CEP112: variants seen among roughly 807,000 people sequenced by gnomAD.
CEP112 encodes centrosomal protein 112, also known as centrosomal protein of 112 kDa.
A neutral mutation model predicts 153.0 loss-of-function variants in CEP112; 127 were observed. That is an observed-to-expected ratio of 0.83 (90% CI 0.72 to 0.96). CEP112 has a LOEUF of 0.96. CEP112 is among the 40% of genes least tolerant of loss of function. The pLI is 0.00. For synonymous variants in CEP112, 358 were observed against 374.4 expected, an observed-to-expected ratio of 0.96 and a Z score of 0.51; for missense variants, 1,089 against 1,101.2, an observed-to-expected ratio of 0.99 and a Z score of 0.16.
chr17:65,863,971 G>A (rs1337944817), intron 20 of CEP112, among the ~76,000 whole-genome samples: 8 of 151,332 alleles, frequency 5.3e-5, no homozygotes, highest in Non-Finnish European at 1.2e-4. Context: ...GTGAAACCCC[G>A]TCTCTACTAA....
chr17:66,113,691 GTCTAT>G (rs2069158624), intron 6 of CEP112, among the ~76,000 whole-genome samples: 1 of 152,096 alleles, frequency 6.6e-6, no homozygotes, highest in Non-Finnish European at 1.5e-5. Flanking sequence ...AATAGAAAAT[GTCTAT>G]TCTAATTTTT....
intron 23 of CEP112, among the ~76,000 whole-genome samples, chr17:65,690,730 T>C (rs2048068852): frequency 6.6e-6 from 1 of 152,122 alleles, no homozygotes; most frequent in Non-Finnish European, 1.5e-5. Context: ...TCCGAGATGG[T>C]ATGTTTGTGG....
At chr17:65,903,706 A>G (rs895399297) in intron 19 of CEP112, among the ~76,000 whole-genome samples, 2 of 152,142 alleles carry the variant, frequency 1.3e-5, no homozygotes, top group African/African-American at 4.8e-5. Context: ...TCGATGCAAA[A>G]ATTCTCAATA....
chr17:66,102,364 T>C (rs2068599070), intron 6 of CEP112, among the ~76,000 whole-genome samples: 1 of 152,198 alleles, frequency 6.6e-6, no homozygotes, highest in Non-Finnish European at 1.5e-5. Flanking sequence ...CTTTTAATTT[T>C]ATATTTTCAA....
At chr17:65,742,222 G>T (rs1353670801) in intron 23 of CEP112, among the ~76,000 whole-genome samples, 2 of 152,072 alleles carry the variant, frequency 1.3e-5, no homozygotes, top group Non-Finnish European at 2.9e-5. Context: ...GCAGGAAAGG[G>T]CAGCTGTAAA....
chr17:65,672,615 A>G (rs759202728), intron 24 of CEP112, among the ~76,000 whole-genome samples: 1 of 152,196 alleles, frequency 6.6e-6, no homozygotes, highest in Non-Finnish European at 1.5e-5. Flanking sequence ...CATTTTCAAG[A>G]TAGGGAAACT....
chr17:65,936,395 G>C (rs772230064), intron 18 of CEP112, among the ~76,000 whole-genome samples: 15 of 152,132 alleles, frequency 9.9e-5, no homozygotes, highest in Non-Finnish European at 2.2e-4. Context: ...AACTGAAGTA[G>C]AGGGAATATT....
At chr17:65,845,671 T>C (rs982562654) in intron 21 of CEP112, among the ~76,000 whole-genome samples, 5 of 152,234 alleles carry the variant, frequency 3.3e-5, no homozygotes, top group African/African-American at 1.2e-4. Flanking sequence ...TACCAAAGTT[T>C]AATCAAACTT....
At chr17:65,696,336 T>C (rs921083396) in intron 23 of CEP112, among the ~76,000 whole-genome samples, 2 of 152,160 alleles carry the variant, frequency 1.3e-5, no homozygotes, top group Non-Finnish European at 2.9e-5. Context: ...GGGCAGAGTG[T>C]AAATGGATCT....
intron 18 of CEP112, among the ~76,000 whole-genome samples, chr17:65,934,626 A>C (rs918889300): frequency 6.6e-6 from 1 of 152,250 alleles, no homozygotes; most frequent in African/African-American, 2.4e-5. Flanking sequence ...ACTCAACTAC[A>C]TGTTTCCTAC....
At chr17:65,830,203 A>G (rs1221175217) in intron 21 of CEP112, among the ~76,000 whole-genome samples, 1 of 152,216 alleles carries the variant, frequency 6.6e-6, no homozygotes, top group Non-Finnish European at 1.5e-5. Flanking sequence ...AAATATAACT[A>G]AAAACTATCC....
In CEP112 at chr17:66,113,030, T is replaced by C. The variant is rs1404635109; in HGVS notation, c.643-16398A>G. Among the ~76,000 whole-genome samples, 5 of 151,888 alleles carry C rather than the reference T, an allele frequency of 3.3e-5. No homozygotes were observed. The East Asian group carries it at 9.7e-4, about 30-fold the overall frequency. ...GTTGCAGTGAGCTGAGATCACACCATTGCACTCCAGCCTGGGTAACAAGAG... is the reference window on the plus strand; with the variant it reads ...GTTGCAGTGAGCTGAGATCACACCACTGCACTCCAGCCTGGGTAACAAGAG... On this transcript the variant is annotated intron_variant, in intron 6 of 26. Transcript: ENST00000535342.
At chr17:66,057,726 T>C (rs1352535378) in intron 11 of CEP112, among the ~76,000 whole-genome samples, 1 of 151,296 alleles carries the variant, frequency 6.6e-6, no homozygotes, top group Non-Finnish European at 1.5e-5. Flanking sequence ...TACTCAGTTT[T>C]CATCTCAGCC....
chr17:65,750,550 C>CAA, intron 22 of CEP112, 112 bp downstream of exon 22: 21 of 782,642 alleles, frequency 2.7e-5, no homozygotes, highest in Non-Finnish European at 3.8e-5. Context: ...TACCATTCCA[C>CAA]AAAAAAAAAC....
chr17:65,783,832 C>T (rs2054128114), intron 21 of CEP112, among the ~76,000 whole-genome samples: 2 of 152,178 alleles, frequency 1.3e-5, no homozygotes, highest in African/African-American at 4.8e-5. Flanking sequence ...CCATCTTTTT[C>T]ATTACATAAA....
chr17:65,755,145 G>C (rs2052171350), intron 21 of CEP112, among the ~76,000 whole-genome samples: 1 of 152,084 alleles, frequency 6.6e-6, no homozygotes, highest in East Asian at 1.9e-4. Context: ...ACCCAAGTCT[G>C]GGTTAATTTA....
At chr17:66,121,432 A>T (rs1372173297) in intron 6 of CEP112, among the ~76,000 whole-genome samples, 1 of 152,172 alleles carries the variant, frequency 6.6e-6, no homozygotes, top group African/African-American at 2.4e-5. Context: ...ATCATTCTTC[A>T]AACGTATTTT....
intron 20 of CEP112, among the ~76,000 whole-genome samples, chr17:65,893,076 T>G (rs1316125333): frequency 2.0e-5 from 3 of 152,094 alleles, no homozygotes; most frequent in African/African-American, 7.2e-5. Context: ...GAAAATCCCC[T>G]TGTTTTAAGA....
intron 23 of CEP112, among the ~76,000 whole-genome samples, chr17:65,708,978 C>T (rs867453690): frequency 6.6e-6 from 1 of 152,128 alleles, no homozygotes. Flanking sequence ...ATTCTGTTCT[C>T]CTCTGGGAGT....
Sources: allele counts gnomAD v4.1 joint callset (sites outside exome capture counted in the v4.1 genomes callset), GRCh38; gene constraint gnomAD v4.1.1; transcripts MANE v1.5; gene names NCBI Gene and HGNC (gene_info 2026-07-23, HGNC 2026-07-21).